The following CREBBP variants were observed in gnomAD, a reference collection of about 807,000 sequenced individuals.
The protein encoded by CREBBP is CREB binding lysine acetyltransferase.
In CREBBP, 19 loss-of-function variants were observed where a neutral mutation model predicts 265.0. That is an observed-to-expected ratio of 0.07 (90% CI 0.05 to 0.11). The LOEUF is 0.11. Among genes scored for constraint, CREBBP ranks in the 10% least tolerant of loss-of-function variants. The probability of loss-of-function intolerance (pLI) is 1.00; values close to 1 mark genes in which losing one functional copy is unlikely to be tolerated. For missense variants in CREBBP, 2,525 were observed against 3,219.0 expected (o/e 0.78, Z 5.22); for synonymous variants, 1,457 against 1,223.7 (o/e 1.19, Z -3.98).
At chr16:3,796,628 C>T (rs1018379844) in intron 3 of CREBBP, among the ~76,000 whole-genome samples, 1 of 152,042 alleles carries the variant, frequency 6.6e-6, no homozygotes, top group Admixed American at 6.6e-5. Context: ...CTAAAGAGAC[C>T]GGCACACCTC....
chr16:3,823,174 A>T (rs1369781945), intron 2 of CREBBP, among the ~76,000 whole-genome samples: 1 of 152,196 alleles, frequency 6.6e-6, no homozygotes, highest in Non-Finnish European at 1.5e-5. Context: ...AATACTTTCT[A>T]TTATGACTCA....
At chr16:3,738,771 G>GCAAGACCCT in intron 25 of CREBBP, 99 bp from the exon 26 acceptor site, 1 of 805,440 alleles carries the variant, frequency 1.2e-6, no homozygotes, top group Non-Finnish European at 2.1e-6. Flanking sequence ...TTTTAGACAG[G>GCAAGACCCT]GTCTTGCTCT....
chr16:3,781,290 G>A lies in CREBBP; in HGVS notation c.1590C>T (p.Asn530=), dbSNP rs2141248208. The part of the protein sequence containing the change: ...TLNPLGNNPM[N]IPAGGITTDQ... Reference sequence around the variant, plus strand: ...CTGTTGTTATTCCTCCTGCTGGAATGTTCATTGGATTATTTCCTTTAAAGA... The same window carrying A: ...CTGTTGTTATTCCTCCTGCTGGAATATTCATTGGATTATTTCCTTTAAAGA... The change falls in exon 7 of 31, where the codon AAC becomes AAT. Residue 530 remains asparagine, a synonymous_variant. Transcript: ENST00000262367. 6.2e-7 allele frequency: 1 copy of A among 1,613,504 alleles called. No individual in the cohort carries two copies. The highest frequency in any genetic ancestry group is 8.5e-7 in the Non-Finnish European group (1 of 1,179,528).
At chr16:3,861,652 C>A (rs1368391859) in intron 1 of CREBBP, among the ~76,000 whole-genome samples, 142 of 120,926 alleles carry the variant, frequency 1.2e-3, no homozygotes, top group Middle Eastern at 4.5e-3. Context: ...CTCTCTATAC[C>A]AAAAAAAAAA....
At chr16:3,835,769 T>C (rs1323525399) in intron 2 of CREBBP, among the ~76,000 whole-genome samples, 1 of 151,560 alleles carries the variant, frequency 6.6e-6, no homozygotes, top group East Asian at 2.0e-4. Context: ...TTAGTAGAGA[T>C]GGGGGTTTCA....
At chr16:3,833,857 G>A (rs1402692671) in intron 2 of CREBBP, among the ~76,000 whole-genome samples, 2 of 152,112 alleles carry the variant, frequency 1.3e-5, no homozygotes, top group Admixed American at 6.6e-5. Flanking sequence ...TCCACAGACT[G>A]GGAGAAAATA....
intron 4 of CREBBP, among the ~76,000 whole-genome samples, chr16:3,792,332 G>T (rs2053522633): frequency 6.6e-6 from 1 of 152,088 alleles, no homozygotes; most frequent in Non-Finnish European, 1.5e-5. Flanking sequence ...GGTGATAAAG[G>T]GCAGCCCACA....
chr16:3,837,704 C>T (rs575631964), intron 2 of CREBBP, among the ~76,000 whole-genome samples: 17 of 151,042 alleles, frequency 1.1e-4, no homozygotes, highest in African/African-American at 4.1e-4. Flanking sequence ...CGTTTGTACA[C>T]CTGTACAATG....
intron 2 of CREBBP, among the ~76,000 whole-genome samples, chr16:3,818,419 C>T (rs998640103): frequency 2.0e-5 from 3 of 151,606 alleles, no homozygotes; most frequent in Admixed American, 6.6e-5. Flanking sequence ...GCGATTCTCC[C>T]GTCTCAGCCT....
chr16:3,810,287 T>A (rs958457831), intron 3 of CREBBP, among the ~76,000 whole-genome samples: 1 of 152,104 alleles, frequency 6.6e-6, no homozygotes, highest in Non-Finnish European at 1.5e-5. Context: ...AAACAGGAAG[T>A]GTAAGAAAAG....
intron 2 of CREBBP, among the ~76,000 whole-genome samples, chr16:3,827,082 G>A (rs2054251709): frequency 6.6e-6 from 1 of 151,902 alleles, no homozygotes; most frequent in South Asian, 2.1e-4. Flanking sequence ...TTAAACCCAG[G>A]AATTCAAGGC....
intron 21 of CREBBP, among the ~76,000 whole-genome samples, chr16:3,748,596 T>A (rs534590584): frequency 6.6e-6 from 1 of 152,346 alleles, no homozygotes; most frequent in African/African-American, 2.4e-5. Context: ...AGGGTCAGGA[T>A]AGGGAGAGCA....
At chr16:3,856,069 CAT>C (rs551087691) in intron 1 of CREBBP, among the ~76,000 whole-genome samples, 12 of 152,222 alleles carry the variant, frequency 7.9e-5, no homozygotes, top group Non-Finnish European at 1.5e-4. Flanking sequence ...TATACAATCA[CAT>C]GTCAACTACA....
intron 1 of CREBBP, among the ~76,000 whole-genome samples, chr16:3,866,670 C>T (rs906273409): frequency 6.6e-6 from 1 of 151,528 alleles, no homozygotes; most frequent in African/African-American, 2.4e-5. Flanking sequence ...TGAAAAAAAA[C>T]CCTCAGAATA....
intron 1 of CREBBP, among the ~76,000 whole-genome samples, chr16:3,872,026 T>G (rs533178807): frequency 1.2e-4 from 19 of 152,230 alleles, no homozygotes; most frequent in Non-Finnish European, 2.8e-4. Flanking sequence ...TAAACAGTCT[T>G]TTGATTAATG....
chr16:3,804,215 C>G (rs1034190579), intron 3 of CREBBP, among the ~76,000 whole-genome samples: 17 of 152,040 alleles, frequency 1.1e-4, no homozygotes, highest in African/African-American at 3.1e-4. Flanking sequence ...GTCGAATGAC[C>G]AAGTTCAAGA....
intron 16 of CREBBP, among the ~76,000 whole-genome samples, chr16:3,762,107 T>C (rs1027231860): frequency 5.3e-5 from 8 of 152,174 alleles, no homozygotes; most frequent in African/African-American, 4.8e-5. Flanking sequence ...GCTGTGCTCA[T>C]TCGTTTATAT....
In CREBBP at chr16:3,758,946, C is replaced by A; in HGVS notation, c.3277G>T (p.Ala1093Ser). 6.2e-7 allele frequency: 1 copy of A among 1,612,964 alleles called. No individual in the cohort carries two copies. Among genetic ancestry groups the A allele is most frequent in the African/African-American group, 1.3e-5 (1 of 74,960 alleles). ...KIFKPEELRQALMPTLEALYR... is the reference protein window; with the variant it reads ...KIFKPEELRQSLMPTLEALYR... ...AGTGCTTCTAGGGTTGGCATGAGGG[C>A]CTGGCGTAACTCCTCTGGTTTAAAG... is the stretch of plus-strand genomic sequence containing the variant. Residue 1093 changes from alanine to serine, a missense_variant, in exon 17 of 31, where the codon GCC (alanine) becomes TCC (serine). Physicochemically the swap from Ala to Ser is moderately conservative, Grantham distance 99. Around this residue, in one of 19 missense-constraint regions of CREBBP, gnomAD observed 12 missense variants for 24.9 expected, o/e 0.48. Transcript: ENST00000262367.
At chr16:3,868,164 A>G (rs2055218156) in intron 1 of CREBBP, among the ~76,000 whole-genome samples, 1 of 152,198 alleles carries the variant, frequency 6.6e-6, no homozygotes, top group African/African-American at 2.4e-5. Context: ...GGGAATGACC[A>G]GTGACCCCAG....
Sources: gnomAD v4.1 joint callset for allele counts (sites outside exome capture counted in the v4.1 genomes callset) on GRCh38, gnomAD v4.1.1 for gene constraint, gnomAD v4.1.1 regional missense constraint, MANE v1.5 for transcripts, NCBI Gene and HGNC (gene_info 2026-07-23, HGNC 2026-07-21) for gene names.